NGLY1: variants seen among roughly 807,000 people sequenced by gnomAD.
NGLY1 encodes the protein N-glycanase 1.
NGLY1 carries 68 observed loss-of-function variants against 84.6 expected under a neutral mutation model. That is an observed-to-expected ratio of 0.80 (90% CI 0.66 to 0.98). The LOEUF (loss-of-function observed/expected upper bound fraction) is 0.98. Ranked by LOEUF, NGLY1 falls within the 50% of genes least tolerant of loss-of-function variation. The pLI is 0.00. For synonymous variants in NGLY1, 280 were observed against 275.2 expected (o/e 1.02, Z -0.17); for missense variants, 779 against 770.2 (o/e 1.01, Z -0.14).
intron 5 of NGLY1, 89 bp from the exon 6 acceptor site, chr3:25,737,544 A>ATTTT: frequency 3.1e-5 from 30 of 974,036 alleles, no homozygotes; most frequent in South Asian, 5.7e-5. Flanking sequence ...GAAATGTTTA[A>ATTTT]TTTTTTTTTT....
chr3:25,772,163 T>A (rs1369453186), intron 2 of NGLY1, among the ~76,000 whole-genome samples: 1 of 152,232 alleles, frequency 6.6e-6, no homozygotes, highest in East Asian at 1.9e-4. Flanking sequence ...TGGCTGTGAG[T>A]TTGTCATACA....
chr3:25,723,583 A>T (rs1705113150), intron 10 of NGLY1, among the ~76,000 whole-genome samples: 1 of 151,672 alleles, frequency 6.6e-6, no homozygotes, highest in Admixed American at 6.6e-5. Flanking sequence ...CTCTGATCCC[A>T]CTATGTATAA....
At chr3:25,733,466 C>CGTGTATGTGTGTGTGTGTGTGTGTGT (rs1491564606) in intron 8 of NGLY1, among the ~76,000 whole-genome samples, 1 of 134,124 alleles carries the variant, frequency 7.5e-6, no homozygotes, top group African/African-American at 2.8e-5. Context: ...CTCACATGGA[C>CGTGTATGTGTGTGTGTGTGTGTGTGT]GTGTGTGTGT....
chr3:25,763,363 G>C (rs964627306), intron 3 of NGLY1, among the ~76,000 whole-genome samples: 1 of 152,130 alleles, frequency 6.6e-6, no homozygotes, highest in African/African-American at 2.4e-5. Flanking sequence ...CACTGTAATT[G>C]GAAAACTCCT....
At chr3:25,767,651 G>A (rs570509563) in intron 2 of NGLY1, among the ~76,000 whole-genome samples, 29 of 152,268 alleles carry the variant, frequency 1.9e-4, no homozygotes, top group African/African-American at 7.0e-4. Context: ...AGAGACAAGT[G>A]GGCCTAAAAG....
At chr3:25,749,858 A>C in intron 4 of NGLY1, 1 of 938,852 alleles carries the variant, frequency 1.1e-6, no homozygotes, top group Non-Finnish European at 1.7e-6. Flanking sequence ...CAGAGTCACC[A>C]ACCCCAATGC....
intron 3 of NGLY1, among the ~76,000 whole-genome samples, chr3:25,753,733 T>C (rs1033389675): frequency 6.6e-6 from 1 of 151,696 alleles, no homozygotes; most frequent in South Asian, 2.1e-4. Flanking sequence ...AAAAACTTCA[T>C]CTAAACAAAA....
intron 3 of NGLY1, among the ~76,000 whole-genome samples, chr3:25,756,247 G>T (rs1707029288): frequency 6.6e-6 from 1 of 152,082 alleles, no homozygotes; most frequent in South Asian, 2.1e-4. Context: ...TACCCCATAG[G>T]TTTGTTTCTC....
At chr3:25,783,646 G>T (rs867357938), upstream of NGLY1, 4 of 295,044 alleles carry the variant, frequency 1.4e-5, no homozygotes, top group Admixed American at 5.4e-5. The surrounding 1 kb of genome is among the most constrained non-coding windows in gnomAD (Gnocchi z 4.5). Flanking sequence ...GGCCAGGAGC[G>T]GGGGAGCTCG....
At chr3:25,774,922 G>C (rs553851014) in intron 2 of NGLY1, among the ~76,000 whole-genome samples, 16 of 152,326 alleles carry the variant, frequency 1.1e-4, no homozygotes, top group Admixed American at 3.3e-4. Flanking sequence ...ACCCCTGTGA[G>C]ATAAAGTCAG....
chr3:25,777,395 C>CAAA (rs11332980), intron 2 of NGLY1, among the ~76,000 whole-genome samples: 6,294 of 86,108 alleles, frequency 0.073, 364 homozygotes, highest in Non-Finnish European at 0.095. Flanking sequence ...AACTCCATCT[C>CAAA]AAAAAAAAAA....
chr3:25,732,948 A>G (rs1705615890), intron 8 of NGLY1, among the ~76,000 whole-genome samples: 1 of 152,248 alleles, frequency 6.6e-6, no homozygotes, highest in Admixed American at 6.5e-5. Flanking sequence ...GGTGAAGGGC[A>G]CATACTGCAC....
rs1222964407 is a variant in NGLY1 at position 25,729,375 on chromosome 3, AAG to A, written c.1426-59_1426-58del. On this transcript the variant is annotated intron_variant, in intron 9 of 11. Coordinates refer to ENST00000280700, the MANE Select transcript of NGLY1 (RefSeq NM_018297.4). The stretch of plus-strand genomic sequence containing the variant: ...ATTATGAAAGATGTAAAAAAGAAAA[AAG>A]AGAAATTACTAAGCAGAGTGGTAAG... 12 of 1,125,600 alleles carry A rather than the reference AAG, an allele frequency of 1.1e-5. No homozygotes were observed. The East Asian group carries it at 2.7e-4, about 25-fold the overall frequency. 69.7% of individuals were successfully genotyped at this position (1,125,600 alleles called of 1,614,324 possible).
intron 3 of NGLY1, among the ~76,000 whole-genome samples, chr3:25,758,556 C>T (rs915170540): frequency 1.3e-5 from 2 of 151,888 alleles, no homozygotes; most frequent in South Asian, 2.1e-4. Context: ...CCAGCCTGAG[C>T]GACAAAGTGA....
chr3:25,761,839 G>A (rs1446666797), intron 3 of NGLY1, among the ~76,000 whole-genome samples: 1 of 152,146 alleles, frequency 6.6e-6, no homozygotes, highest in Non-Finnish European at 1.5e-5. Context: ...GAAACAATAT[G>A]TGGCATATCC....
chr3:25,784,853 G>A (rs963468246), upstream of NGLY1, among the ~76,000 whole-genome samples: 2 of 152,096 alleles, frequency 1.3e-5, no homozygotes, highest in African/African-American at 4.8e-5. Context: ...ATTTTCAGGG[G>A]CTTAACACAA....
At position 25,729,322 on chromosome 3, in the gene NGLY1, A is replaced by G; in HGVS notation, c.1426-4T>C. On this transcript the variant is annotated splice_region_variant and splice_polypyrimidine_tract_variant and intron_variant, in intron 9 of 11. Transcript: ENST00000280700. Reference sequence around the variant, plus strand: ...GAATAAACAAGGTTTCTTTTCTCTTAAAAAGAAAGCAGAATTAGTTTTTCA... The same window carrying G: ...GAATAAACAAGGTTTCTTTTCTCTTGAAAAGAAAGCAGAATTAGTTTTTCA... 1 of 1,362,126 alleles carries G rather than the reference A, an allele frequency of 7.3e-7. No individual in the cohort carries two copies. The highest frequency in any genetic ancestry group is 1.5e-5 in the African/African-American group (1 of 66,918). 84.4% of individuals were successfully genotyped at this position (1,362,126 alleles called of 1,614,324 possible). A position where few individuals can be genotyped will look rare whatever the true frequency, so the allele number is the denominator to read the frequency against.
Position 25,764,046 on chromosome 3 carries a change from A to T in NGLY1, c.492+20T>A. The T allele has an allele frequency of 6.2e-7, 1 of 1,611,560 alleles. No individual in the cohort carries two copies. The highest frequency in any genetic ancestry group is 8.5e-7 in the Non-Finnish European group (1 of 1,178,136). Reference sequence around the variant, plus strand: ...ACACTTTGAAAGAAACAGTTAAAGAAGGTTTAATTCTAACATTACCGTTGA... The same window carrying T: ...ACACTTTGAAAGAAACAGTTAAAGATGGTTTAATTCTAACATTACCGTTGA... On this transcript the variant is annotated intron_variant, in intron 3 of 11. Transcript: ENST00000280700.
rs1386076153 is a variant in NGLY1 at position 25,773,339 on chromosome 3, G to T, written c.246+5235C>A. Among the ~76,000 whole-genome samples, 7 of 151,996 alleles carry T rather than the reference G, an allele frequency of 4.6e-5. No individual in the cohort carries two copies. In the East Asian group the frequency reaches 1.4e-3, roughly 29 times the overall value. ...TTGATCATTTTTAAAATTCTTTTTT[G>T]TCTTTGTTGGATTGGGTTAATACGA... On this transcript the variant is annotated intron_variant, in intron 2 of 11. Transcript: ENST00000280700.
Sources: gnomAD v4.1 joint callset for allele counts (sites outside exome capture counted in the v4.1 genomes callset) on GRCh38, gnomAD v4.1.1 for gene constraint, Gnocchi (gnomAD v3.1) non-coding constraint, MANE v1.5 for transcripts, NCBI Gene and HGNC (gene_info 2026-07-23, HGNC 2026-07-21) for gene names.